Variants in ABHD13 observed in about 807,000 individuals in gnomAD.
The protein encoded by ABHD13 is abhydrolase domain containing 13.
A neutral mutation model predicts 25.2 loss-of-function variants in ABHD13; 7 were observed. That is an observed-to-expected ratio of 0.28 (90% CI 0.16 to 0.52). The LOEUF (loss-of-function observed/expected upper bound fraction) is 0.52, where lower values mean the gene tolerates loss of function less well. Ranked by LOEUF, ABHD13 falls within the 20% of genes least tolerant of loss-of-function variation. The pLI, the probability that ABHD13 is intolerant of heterozygous loss-of-function variation, is 0.96. For synonymous variants in ABHD13, 133 were observed against 136.1 expected, an observed-to-expected ratio of 0.98 and a Z score of 0.16; for missense variants, 302 against 402.7, an observed-to-expected ratio of 0.75 and a Z score of 2.14.
At chr13:108,220,620 T>C (rs189987842) in intron 1 of ABHD13, among the ~76,000 whole-genome samples, 1 of 152,344 alleles carries the variant, frequency 6.6e-6, no homozygotes, top group South Asian at 2.1e-4. Flanking sequence ...TACATTATTA[T>C]ATTTTATGTT....
Position 108,230,246 on chromosome 13 carries a change from GATTATT to G in ABHD13, c.*15_*20del. 1 of 1,540,426 alleles carries G rather than the reference GATTATT, an allele frequency of 6.5e-7. No homozygotes were observed. Among genetic ancestry groups the G allele is most frequent in the Non-Finnish European group, 8.8e-7 (1 of 1,139,292 alleles). The stretch of plus-strand genomic sequence containing the variant: ...ACAATTATATAATGTTTCCCTTTTT[GATTATT>G]GCATTGTATTTTAATTTGTGCAGAA... On this transcript the variant is annotated 3_prime_UTR_variant, in exon 2 of 2. Transcript: ENST00000375898.
In ABHD13 at chr13:108,231,821, G is replaced by T. The variant is rs982180167; in HGVS notation, c.*1589G>T. 2 of 166,330 alleles carry T rather than the reference G, an allele frequency of 1.2e-5. No individual in the cohort carries two copies. Among genetic ancestry groups the T allele is most frequent in the African/African-American group, 2.4e-5 (1 of 41,306 alleles). The allele number at this position is 166,330 out of a possible 1,614,324, so 10.3% of individuals were successfully genotyped here. A position where few individuals can be genotyped will look rare whatever the true frequency, so the allele number is the denominator to read the frequency against. On this transcript the variant is annotated 3_prime_UTR_variant, in exon 2 of 2. Coordinates refer to ENST00000375898, the MANE Select transcript of ABHD13 (RefSeq NM_032859.3). ...ATAGCATTCTTATTCACTTTATGCC[G>T]GTATTTAGAAAAAATAAATTATAGC...
intron 1 of ABHD13, among the ~76,000 whole-genome samples, chr13:108,224,784 G>T (rs1343820967): frequency 1.3e-5 from 2 of 152,132 alleles, no homozygotes; most frequent in African/African-American, 4.8e-5. Flanking sequence ...ACTACAACCA[G>T]CCAATTAGGA....
At chr13:108,226,133 A>T (rs11069723) in intron 1 of ABHD13, among the ~76,000 whole-genome samples, 3,067 of 152,252 alleles carry the variant, frequency 0.02, 134 homozygotes, top group Admixed American at 0.11. Flanking sequence ...ACCATAGTGG[A>T]CCGTACTGTG....
rs1323477436 is a variant in ABHD13, at chr13:108,232,426, G to A, written c.*2194G>A. ...ACCACTAGCATCTGTATTTGAGACT[G>A]TTTCCTTAGATGGGTAAGAGGTGGA... On this transcript the variant is annotated 3_prime_UTR_variant, in exon 2 of 2. Coordinates refer to ENST00000375898, the MANE Select transcript of ABHD13 (RefSeq NM_032859.3). 6.0e-6 allele frequency: 1 copy of A among 166,886 alleles called. No individual in the cohort carries two copies. Among genetic ancestry groups the A allele is most frequent in the Admixed American group, 6.6e-5 (1 of 15,222 alleles). The allele number at this position is 166,886 out of a possible 1,614,324, so 10.3% of individuals were successfully genotyped here.
rs896904081 is a variant in ABHD13, at chr13:108,231,815, T to C, written c.*1583T>C. ...TGCCAAATAGCATTCTTATTCACTTTATGCCGGTATTTAGAAAAAATAAAT... is the reference window on the plus strand; with the variant it reads ...TGCCAAATAGCATTCTTATTCACTTCATGCCGGTATTTAGAAAAAATAAAT... On this transcript the variant is annotated 3_prime_UTR_variant, in exon 2 of 2. Coordinates refer to ENST00000375898, the MANE Select transcript of ABHD13 (RefSeq NM_032859.3). The C allele has an allele frequency of 1.8e-5, 3 of 166,796 alleles. No homozygotes were observed. The highest frequency in any genetic ancestry group is 4.4e-5 in the Non-Finnish European group (3 of 67,954). The allele number at this position is 166,796 out of a possible 1,614,324, so 10.3% of individuals were successfully genotyped here. A position where few individuals can be genotyped will look rare whatever the true frequency, so the allele number is the denominator to read the frequency against.
chr13:108,223,862 A>G lies in ABHD13; in HGVS notation c.-21+5203A>G, dbSNP rs74881117. ...CAGTTTAACAGCTCTAAATTCCTCT[A>G]TGCTATCCTTGCCAAGTATTTATTT... On this transcript the variant is annotated intron_variant, in intron 1 of 1. Transcript: ENST00000375898. 6.7e-3 allele frequency among the ~76,000 whole-genome samples: 1,024 copies of G among 152,292 alleles called. 13 individuals are homozygous for G. The highest frequency in any genetic ancestry group is 0.024 in the African/African-American group (985 of 41,558).
In ABHD13 at chr13:108,232,713, A is replaced by G. The variant is rs772805493; in HGVS notation, c.*2481A>G. On this transcript the variant is annotated 3_prime_UTR_variant, in exon 2 of 2. Coordinates refer to ENST00000375898, the MANE Select transcript of ABHD13 (RefSeq NM_032859.3). The stretch of plus-strand genomic sequence containing the variant: ...AAGTTACTATAAATTTGGGGATCCT[A>G]GAGTGATCTTAAATATGGCAAGATA... 4.1e-4 allele frequency: 68 copies of G among 166,904 alleles called. No individual in the cohort carries two copies. Among genetic ancestry groups the G allele is most frequent in the Non-Finnish European group, 7.4e-4 (50 of 68,016 alleles). The allele number at this position is 166,904 out of a possible 1,614,324, so 10.3% of individuals were successfully genotyped here.
chr13:108,223,449 G>A (rs547356415), intron 1 of ABHD13, among the ~76,000 whole-genome samples: 4 of 152,354 alleles, frequency 2.6e-5, no homozygotes, highest in African/African-American at 9.6e-5. Context: ...TCACACATTT[G>A]TCACACAATG....
At chr13:108,227,925 A>C (rs564275675) in intron 1 of ABHD13, among the ~76,000 whole-genome samples, 17 of 152,172 alleles carry the variant, frequency 1.1e-4, no homozygotes, top group Non-Finnish European at 2.2e-4. Context: ...TTTGAATAAT[A>C]ATTCAAATGT....
chr13:108,229,665 T>C lies in ABHD13; in HGVS notation c.447T>C (p.Asp149=). The C allele has an allele frequency of 1.9e-6, 3 of 1,613,386 alleles. No individual in the cohort carries two copies. Among genetic ancestry groups the C allele is most frequent in the Non-Finnish European group, 2.5e-6 (3 of 1,179,584 alleles). The change falls in exon 2 of 2, where the codon GAT becomes GAC. Residue 149 remains aspartate (D), a synonymous_variant. Coordinates refer to ENST00000375898, the MANE Select transcript of ABHD13 (RefSeq NM_032859.3). This position sits in a 1 kb window ranked among gnomAD's most constrained non-coding sequence, Gnocchi z 4.7. Reference sequence around the variant, plus strand: ...TCAAAGTTAACCTTTTGCTGGTTGATTATCGAGGATATGGAAAAAGTGAAG... The same window carrying C: ...TCAAAGTTAACCTTTTGCTGGTTGACTATCGAGGATATGGAAAAAGTGAAG... ...VNLKVNLLLV[D]YRGYGKSEGE...
rs1879844584 is a variant in ABHD13 at position 108,233,192 on chromosome 13, C to T, written c.*2960C>T. The T allele has an allele frequency of 6.0e-6, 1 of 166,756 alleles. No individual in the cohort carries two copies. Among genetic ancestry groups the T allele is most frequent in the Non-Finnish European group, 1.5e-5 (1 of 68,002 alleles). 10.3% of individuals were successfully genotyped at this position (166,756 alleles called of 1,614,324 possible). A position where few individuals can be genotyped will look rare whatever the true frequency, so the allele number is the denominator to read the frequency against. Reference sequence around the variant, plus strand: ...AGATTACAGCTTTGGTAATATGTCACTGGAGTAATTACGCTGTAATACCTG... The same window carrying T: ...AGATTACAGCTTTGGTAATATGTCATTGGAGTAATTACGCTGTAATACCTG... On this transcript the variant is annotated 3_prime_UTR_variant, in exon 2 of 2. Transcript: ENST00000375898.
At position 108,218,602 on chromosome 13, in the gene ABHD13, C is replaced by G. The variant is rs1051358266; in HGVS notation, c.-78C>G. 2 of 152,072 alleles carry G rather than the reference C, an allele frequency of 1.3e-5. No individual in the cohort carries two copies. Among genetic ancestry groups the G allele is most frequent in the African/African-American group, 2.4e-5 (1 of 41,414 alleles). 9.4% of individuals were successfully genotyped at this position (152,072 alleles called of 1,614,324 possible). A position where few individuals can be genotyped will look rare whatever the true frequency, so the allele number is the denominator to read the frequency against. ...ACGGAAGCGACGCGGGGGTACGCTG[C>G]TGCGCGGCGCCCGGTTTCGTGCCCG... On this transcript the variant is annotated 5_prime_UTR_variant, in exon 1 of 2. Coordinates refer to ENST00000375898, the MANE Select transcript of ABHD13 (RefSeq NM_032859.3).
chr13:108,230,240 C>A lies in ABHD13; in HGVS notation c.*8C>A. ...AATGTAACAATTATATAATGTTTCCCTTTTTGATTATTGCATTGTATTTTA... is the reference window on the plus strand; with the variant it reads ...AATGTAACAATTATATAATGTTTCCATTTTTGATTATTGCATTGTATTTTA... On this transcript the variant is annotated 3_prime_UTR_variant, in exon 2 of 2. Coordinates refer to ENST00000375898, the MANE Select transcript of ABHD13 (RefSeq NM_032859.3). The A allele has an allele frequency of 6.4e-7, 1 of 1,552,912 alleles. No homozygotes were observed. Among genetic ancestry groups the A allele is most frequent in the South Asian group, 1.2e-5 (1 of 82,602 alleles).
chr13:108,227,180 T>A (rs768082060), intron 1 of ABHD13, among the ~76,000 whole-genome samples: 4 of 152,158 alleles, frequency 2.6e-5, no homozygotes, highest in Admixed American at 6.6e-5. Context: ...AGTTTATCCC[T>A]TATTATTCCT....
intron 1 of ABHD13, among the ~76,000 whole-genome samples, chr13:108,227,247 T>C (rs1195237364): frequency 2.0e-5 from 3 of 152,118 alleles, no homozygotes; most frequent in East Asian, 1.9e-4. Flanking sequence ...TTTAAACATA[T>C]ATGCCCACTG....
rs780596250 is a variant in ABHD13 at position 108,230,201 on chromosome 13, C to G, written c.983C>G (p.Ala328Gly). 1 of 1,597,300 alleles carries G rather than the reference C, an allele frequency of 6.3e-7. No homozygotes were observed. The highest frequency in any genetic ancestry group is 1.1e-5 in the South Asian group (1 of 88,058). The change falls in exon 2 of 2, where the codon GCA becomes GGA. Residue 328 changes from alanine to glycine, a missense_variant. Coordinates refer to ENST00000375898, the MANE Select transcript of ABHD13 (RefSeq NM_032859.3). ...VVKSHSPEEM[A>G]KTSSNVTII ...AAGAGCCATTCTCCTGAAGAAATGG[C>G]AAAAACTTCATCTAATGTAACAATT... is the stretch of plus-strand genomic sequence containing the variant.
In ABHD13 at chr13:108,229,086, T is replaced by C; in HGVS notation, c.-20-113T>C. On this transcript the variant is annotated intron_variant, in intron 1 of 1. Coordinates refer to ENST00000375898, the MANE Select transcript of ABHD13 (RefSeq NM_032859.3). This position sits in a 1 kb window ranked among gnomAD's most constrained non-coding sequence, Gnocchi z 4.7. ...GCTACTTTTGTGGATGGACTGTACC[T>C]ATTACCATATTTAACAATTACATGT... The C allele has an allele frequency of 1.4e-6, 1 of 739,290 alleles. No individual in the cohort carries two copies. Among genetic ancestry groups the C allele is most frequent in the Non-Finnish European group, 2.1e-6 (1 of 479,134 alleles). The allele number at this position is 739,290 out of a possible 1,614,324, so 45.8% of individuals were successfully genotyped here.
Position 108,229,898 on chromosome 13 carries a change from G to A in ABHD13, c.680G>A (p.Ser227Asn), listed in dbSNP as rs1384877784. Residue 227 changes from serine (S) to asparagine (N), a missense_variant, in exon 2 of 2, where the codon AGC becomes AAC. Physicochemically the swap from Ser to Asn is conservative, Grantham distance 46. Coordinates refer to ENST00000375898, the MANE Select transcript of ABHD13 (RefSeq NM_032859.3). The surrounding 1 kb of genome is among the most constrained non-coding windows in gnomAD (Gnocchi z 4.7). ...NTFLSIPHMA[S>N]TLFSFFPMRY... is the part of the protein sequence containing the mutation. Reference sequence around the variant, plus strand: ...TTTTTAAGCATACCACATATGGCCAGCACTTTATTTTCATTCTTTCCGATG... The same window carrying A: ...TTTTTAAGCATACCACATATGGCCAACACTTTATTTTCATTCTTTCCGATG... The A allele has an allele frequency of 6.2e-7, 1 of 1,613,342 alleles. No individual in the cohort carries two copies. Among genetic ancestry groups the A allele is most frequent in the Non-Finnish European group, 8.5e-7 (1 of 1,179,460 alleles).
Sources: gnomAD v4.1 joint callset for allele counts (sites outside exome capture counted in the v4.1 genomes callset) on GRCh38, gnomAD v4.1.1 for gene constraint, Gnocchi (gnomAD v3.1) non-coding constraint, MANE v1.5 for transcripts, NCBI Gene and HGNC (gene_info 2026-07-23, HGNC 2026-07-21) for gene names.